The following SLC24A3 variants were observed in gnomAD, a reference collection of about 807,000 sequenced individuals.
The protein encoded by SLC24A3 is solute carrier family 24 member 3, also known as sodium/potassium/calcium exchanger 3.
Under a neutral mutation model 75.8 loss-of-function variants are expected in SLC24A3, and 28 were observed. The observed-to-expected ratio is 0.37, with a 90% CI of 0.27 to 0.51. The LOEUF (loss-of-function observed/expected upper bound fraction) is 0.51, where lower values mean the gene tolerates loss of function less well. Ranked by LOEUF, SLC24A3 falls within the 20% of genes least tolerant of loss-of-function variation. The pLI is 0.94. For missense variants in SLC24A3, 663 were observed against 847.8 expected, an observed-to-expected ratio of 0.78 and a Z score of 2.71; for synonymous variants, 372 against 334.1, an observed-to-expected ratio of 1.11 and a Z score of -1.24.
intron 3 of SLC24A3, among the ~76,000 whole-genome samples, chr20:19,549,379 T>A (rs967722567): frequency 1.4e-4 from 21 of 152,234 alleles, no homozygotes; most frequent in African/African-American, 5.1e-4. Flanking sequence ...AAGTTGATAT[T>A]GTAGAATCAA....
intron 2 of SLC24A3, among the ~76,000 whole-genome samples, chr20:19,512,244 A>G (rs1473454143): frequency 6.6e-6 from 1 of 152,138 alleles, no homozygotes; most frequent in Non-Finnish European, 1.5e-5. Context: ...CCACTCCCTG[A>G]AGGGAGGAAA....
intron 2 of SLC24A3, among the ~76,000 whole-genome samples, chr20:19,373,667 T>A (rs1454491349): frequency 6.6e-6 from 1 of 152,196 alleles, no homozygotes; most frequent in Non-Finnish European, 1.5e-5. Context: ...CCCTATAGAT[T>A]CTTAGTTCCT....
intron 3 of SLC24A3, among the ~76,000 whole-genome samples, chr20:19,531,917 C>A (rs2030307948): frequency 6.6e-6 from 1 of 152,188 alleles, no homozygotes; most frequent in African/African-American, 2.4e-5. Flanking sequence ...GTTGCCCCCC[C>A]ATGACAGAAG....
chr20:19,311,610 C>T (rs1348406743), intron 2 of SLC24A3, among the ~76,000 whole-genome samples: 1 of 151,932 alleles, frequency 6.6e-6, no homozygotes, highest in Non-Finnish European at 1.5e-5. Context: ...GGAAGGCTTC[C>T]AGGAGGAGGC....
intron 3 of SLC24A3, among the ~76,000 whole-genome samples, chr20:19,543,105 A>G (rs1490604498): frequency 2.0e-5 from 3 of 152,218 alleles, no homozygotes; most frequent in Non-Finnish European, 2.9e-5. Context: ...CTATTCCTCA[A>G]ATGAGCCAGG....
chr20:19,637,424 G>A (rs910021578), intron 6 of SLC24A3, among the ~76,000 whole-genome samples: 5 of 152,140 alleles, frequency 3.3e-5, no homozygotes, highest in South Asian at 2.1e-4. Flanking sequence ...AGAGACATAC[G>A]GAATATTTTT....
At chr20:19,482,559 A>G (rs984396897) in intron 2 of SLC24A3, among the ~76,000 whole-genome samples, 9 of 152,214 alleles carry the variant, frequency 5.9e-5, no homozygotes, top group African/African-American at 1.9e-4. Context: ...CTGCATGGTA[A>G]TCTCTCTTGT....
Position 19,414,263 on chromosome 20 carries a change from G to A in SLC24A3, c.272-101225G>A, listed in dbSNP as rs112899124. Among the ~76,000 whole-genome samples the A allele has an allele frequency of 5.0e-3, 769 of 152,294 alleles. 4 individuals are homozygous for A. The highest frequency in any genetic ancestry group is 0.017 in the Middle Eastern group (5 of 294). ...TTATAAATCAAGAGCCTTAAAACAGGTGGATACGTTTTGACCTAGGAATTC... is the reference window on the plus strand; with the variant it reads ...TTATAAATCAAGAGCCTTAAAACAGATGGATACGTTTTGACCTAGGAATTC... On this transcript the variant is annotated intron_variant, in intron 2 of 16. Coordinates refer to ENST00000328041, the MANE Select transcript of SLC24A3 (RefSeq NM_020689.4).
intron 2 of SLC24A3, among the ~76,000 whole-genome samples, chr20:19,508,269 C>T (rs7363570): frequency 0.018 from 2,762 of 152,248 alleles, 73 homozygotes; most frequent in African/African-American, 0.063. Context: ...GACTGCCATC[C>T]TTCGGTGCAA....
chr20:19,373,733 A>G (rs2122360670), intron 2 of SLC24A3, among the ~76,000 whole-genome samples: 1 of 152,262 alleles, frequency 6.6e-6, no homozygotes, highest in East Asian at 1.9e-4. Flanking sequence ...GGAGAAATTT[A>G]GTGGAGGAGG....
chr20:19,360,980 C>G (rs1985776327), intron 2 of SLC24A3, among the ~76,000 whole-genome samples: 1 of 152,160 alleles, frequency 6.6e-6, no homozygotes. Flanking sequence ...GTGCCCGCCA[C>G]CATGCCTGGC....
At chr20:19,480,383 C>T (rs1050554089) in intron 2 of SLC24A3, among the ~76,000 whole-genome samples, 2 of 152,190 alleles carry the variant, frequency 1.3e-5, no homozygotes, top group Non-Finnish European at 2.9e-5. Context: ...ACATTGTTCT[C>T]TTGGCTTCCC....
At chr20:19,227,333 T>C (rs1981894606) in intron 1 of SLC24A3, among the ~76,000 whole-genome samples, 1 of 152,134 alleles carries the variant, frequency 6.6e-6, no homozygotes, top group Non-Finnish European at 1.5e-5. Context: ...TTTCTTAATG[T>C]TTTGTAAGAG....
chr20:19,263,785 T>TAGGAAAAAGTGAGA (rs2122199531), intron 1 of SLC24A3, among the ~76,000 whole-genome samples: 1 of 152,312 alleles, frequency 6.6e-6, no homozygotes, highest in South Asian at 2.1e-4. Context: ...GGCCAAAGAA[T>TAGGAAAAAGTGAGA]AGGAAAAAGT....
intron 2 of SLC24A3, among the ~76,000 whole-genome samples, chr20:19,386,677 G>T (rs1600458846): frequency 6.6e-6 from 1 of 152,082 alleles, no homozygotes; most frequent in Non-Finnish European, 1.5e-5. Context: ...TGATCATGTG[G>T]TTTTTATTTT....
At chr20:19,699,081 A>G (rs897448450) in intron 15 of SLC24A3, among the ~76,000 whole-genome samples, 4 of 152,252 alleles carry the variant, frequency 2.6e-5, no homozygotes, top group Admixed American at 1.3e-4. Context: ...GTCATGATAT[A>G]TAACACTTCT....
intron 1 of SLC24A3, among the ~76,000 whole-genome samples, chr20:19,274,870 T>C (rs2122215581): frequency 6.6e-6 from 1 of 152,314 alleles, no homozygotes; most frequent in East Asian, 1.9e-4. Flanking sequence ...GGCAGCTGTG[T>C]AAACTGTAGG....
intron 2 of SLC24A3, among the ~76,000 whole-genome samples, chr20:19,350,891 G>A (rs1452915870): frequency 6.8e-6 from 1 of 147,880 alleles, no homozygotes; most frequent in Non-Finnish European, 1.5e-5. Flanking sequence ...CAAGCTGGAT[G>A]TTCCACTCAC....
intron 1 of SLC24A3, among the ~76,000 whole-genome samples, chr20:19,218,894 G>A (rs2122128962): frequency 6.6e-6 from 1 of 152,158 alleles, no homozygotes; most frequent in Admixed American, 6.5e-5. Flanking sequence ...CTTTCATAAT[G>A]GGGAAACTGA....
Sources: gnomAD v4.1 joint callset for allele counts (sites outside exome capture counted in the v4.1 genomes callset) on GRCh38, gnomAD v4.1.1 for gene constraint, MANE v1.5 for transcripts, NCBI Gene and HGNC (gene_info 2026-07-23, HGNC 2026-07-21) for gene names.